The following XKR6 variants were observed in gnomAD, a reference collection of about 807,000 sequenced individuals.
XKR6 encodes the protein XK-related protein 6.
In XKR6, 22 loss-of-function variants were observed where a neutral mutation model predicts 56.7. The observed-to-expected ratio is 0.39, with a 90% CI of 0.28 to 0.55. XKR6 has a LOEUF of 0.55. Ranked by LOEUF, XKR6 falls within the 20% of genes least tolerant of loss-of-function variation. XKR6 has a pLI of 0.66. For missense variants in XKR6, 852 were observed against 889.0 expected, an observed-to-expected ratio of 0.96 and a Z score of 0.53; for synonymous variants, 524 against 387.8, an observed-to-expected ratio of 1.35 and a Z score of -4.13.
chr8:11,043,634 G>C (rs749147286), intron 1 of XKR6, among the ~76,000 whole-genome samples: 1 of 152,224 alleles, frequency 6.6e-6, no homozygotes, highest in Non-Finnish European at 1.5e-5. Context: ...GTTCCCACCT[G>C]AGAACTAAAA....
chr8:11,177,132 T>A (rs1377200251), intron 1 of XKR6, among the ~76,000 whole-genome samples: 1 of 152,126 alleles, frequency 6.6e-6, no homozygotes, highest in Non-Finnish European at 1.5e-5. Context: ...ATGTGCCAGG[T>A]TGAAATGATG....
chr8:11,042,996 AC>A (rs987033059), intron 1 of XKR6, among the ~76,000 whole-genome samples: 14 of 152,104 alleles, frequency 9.2e-5, no homozygotes, highest in African/African-American at 3.4e-4. Flanking sequence ...GCAGTGGTGG[AC>A]CCCAGGCTTG....
chr8:11,069,097 C>A (rs972695922), intron 1 of XKR6, among the ~76,000 whole-genome samples: 5 of 152,070 alleles, frequency 3.3e-5, no homozygotes, highest in African/African-American at 1.2e-4. Context: ...GAGCTGAGAC[C>A]GATACCACAA....
chr8:11,041,247 C>T (rs1799278669), intron 1 of XKR6, among the ~76,000 whole-genome samples: 1 of 152,086 alleles, frequency 6.6e-6, no homozygotes, highest in Non-Finnish European at 1.5e-5. Flanking sequence ...ACAAGCAGAA[C>T]AAAACATTGT....
At chr8:11,182,057 G>T (rs1803015598) in intron 1 of XKR6, among the ~76,000 whole-genome samples, 1 of 152,178 alleles carries the variant, frequency 6.6e-6, no homozygotes. Flanking sequence ...GGGATTACAG[G>T]CATGAGCCAC....
intron 1 of XKR6, among the ~76,000 whole-genome samples, chr8:10,953,079 C>A (rs769295976): frequency 1.4e-4 from 21 of 152,188 alleles, no homozygotes; most frequent in Non-Finnish European, 2.6e-4. Context: ...CCAGGGCTCC[C>A]ACTGATTCTG....
At chr8:11,070,124 T>G (rs1800079210) in intron 1 of XKR6, among the ~76,000 whole-genome samples, 1 of 152,176 alleles carries the variant, frequency 6.6e-6, no homozygotes, top group Non-Finnish European at 1.5e-5. Context: ...CACAGATGTG[T>G]GAGAAATACA....
intron 1 of XKR6, among the ~76,000 whole-genome samples, chr8:11,024,214 T>G (rs892630971): frequency 1.3e-4 from 9 of 69,596 alleles, no homozygotes; most frequent in African/African-American, 6.9e-4. Context: ...GGTGTGTGTG[T>G]GTGTGTGTGT....
intron 2 of XKR6, among the ~76,000 whole-genome samples, chr8:10,912,618 T>G: frequency 7.0e-6 from 1 of 143,072 alleles, no homozygotes. Flanking sequence ...AGAGGGTGTG[T>G]GAGTATATAT....
chr8:11,157,905 C>G (rs1353858957), intron 1 of XKR6, among the ~76,000 whole-genome samples: 1 of 152,110 alleles, frequency 6.6e-6, no homozygotes, highest in Non-Finnish European at 1.5e-5. Flanking sequence ...AGCAAACAGG[C>G]CAGTTATCCA....
chr8:10,961,969 A>G (rs1376836531), intron 1 of XKR6, among the ~76,000 whole-genome samples: 1 of 151,980 alleles, frequency 6.6e-6, no homozygotes, highest in Non-Finnish European at 1.5e-5. Context: ...ATTATACACC[A>G]CCTTTCTGAG....
intron 1 of XKR6, among the ~76,000 whole-genome samples, chr8:10,968,026 T>A (rs1487949586): frequency 6.6e-6 from 1 of 152,190 alleles, no homozygotes; most frequent in Non-Finnish European, 1.5e-5. Context: ...GGGCCACCTG[T>A]GGACATGCAG....
chr8:11,086,358 G>A (rs1456430602), intron 1 of XKR6, among the ~76,000 whole-genome samples: 1 of 151,978 alleles, frequency 6.6e-6, no homozygotes, highest in Non-Finnish European at 1.5e-5. Context: ...CCCAAAGCCC[G>A]GGCCGAGGAT....
At chr8:10,913,967 C>T (rs1563285779) in intron 2 of XKR6, among the ~76,000 whole-genome samples, 1 of 152,136 alleles carries the variant, frequency 6.6e-6, no homozygotes, top group Non-Finnish European at 1.5e-5. Flanking sequence ...GCCTGGGGTG[C>T]AAGAGGCTGG....
At chr8:10,904,091 C>G (rs1033508991) in intron 2 of XKR6, among the ~76,000 whole-genome samples, 2 of 152,216 alleles carry the variant, frequency 1.3e-5, no homozygotes, top group African/African-American at 2.4e-5. Flanking sequence ...AGCTCCATCA[C>G]TGACTGCATT....
At chr8:11,130,421 C>T (rs530160224) in intron 1 of XKR6, among the ~76,000 whole-genome samples, 2 of 152,072 alleles carry the variant, frequency 1.3e-5, no homozygotes, top group Non-Finnish European at 2.9e-5. Flanking sequence ...ATCCACGCTC[C>T]TTGGAACCAT....
intron 1 of XKR6, among the ~76,000 whole-genome samples, chr8:11,188,256 G>C (rs1803378565): frequency 6.6e-6 from 1 of 152,096 alleles, no homozygotes. Flanking sequence ...AGGCCTGCTT[G>C]GGTACACACC....
chr8:10,938,625 C>T (rs1482818235), intron 1 of XKR6, among the ~76,000 whole-genome samples: 1 of 152,196 alleles, frequency 6.6e-6, no homozygotes, highest in African/African-American at 2.4e-5. Flanking sequence ...TGTGATTCCA[C>T]TTATATGATA....
At chr8:10,984,616 G>C (rs1161955767) in intron 1 of XKR6, among the ~76,000 whole-genome samples, 1 of 150,144 alleles carries the variant, frequency 6.7e-6, no homozygotes, top group Non-Finnish European at 1.5e-5. Context: ...GCAGAGTACA[G>C]AATTAATAAG....
Sources: gnomAD v4.1 joint callset for allele counts (sites outside exome capture counted in the v4.1 genomes callset) on GRCh38, gnomAD v4.1.1 for gene constraint, MANE v1.5 for transcripts, NCBI Gene and HGNC (gene_info 2026-07-23, HGNC 2026-07-21) for gene names.